MAP3K9: variants seen among roughly 807,000 people sequenced by gnomAD.
The protein encoded by MAP3K9 is mixed lineage kinase 1 (tyr and ser/thr specificity).
Under a neutral mutation model 95.8 loss-of-function variants are expected in MAP3K9, and 46 were observed. That is an observed-to-expected ratio of 0.48 (90% CI 0.38 to 0.61). The LOEUF is 0.61. MAP3K9 is among the 20% of genes least tolerant of loss of function. MAP3K9 has a pLI of 0.00. For missense variants in MAP3K9, 1,296 were observed against 1,474.3 expected, an observed-to-expected ratio of 0.88 and a Z score of 1.98; for synonymous variants, 533 against 593.8, an observed-to-expected ratio of 0.90 and a Z score of 1.49.
At chr14:70,774,990 A>C (rs1349755799) in intron 2 of MAP3K9, among the ~76,000 whole-genome samples, 2 of 89,778 alleles carry the variant, frequency 2.2e-5, no homozygotes, top group African/African-American at 3.7e-5. Flanking sequence ...CCCCAAAAAA[A>C]AAAAAAAAAA....
At position 70,730,751 on chromosome 14, in the gene MAP3K9, T is replaced by C; in HGVS notation, c.2944A>G (p.Thr982Ala). The C allele has an allele frequency of 1.2e-6, 2 of 1,613,412 alleles. No individual in the cohort carries two copies. The highest frequency in any genetic ancestry group is 1.6e-4 in the Middle Eastern group (1 of 6,062). The change falls in exon 12 of 12, where the codon ACC (threonine) becomes GCC (alanine). Residue 982 changes from threonine to alanine, a missense_variant. Around this residue, in one of 5 missense-constraint regions of MAP3K9, gnomAD observed 433 missense variants for 441.4 expected, o/e 0.98. Coordinates refer to ENST00000554752, the MANE Select transcript of MAP3K9 (RefSeq NM_001284230.2). ...PRRWNTQQDSTLERPKTLEFL... is the reference protein window; with the variant it reads ...PRRWNTQQDSALERPKTLEFL... ...TCCAGAGTCTTGGGTCTCTCCAAGG[T>C]AGAGTCCTGCTGAGTGTTCCAGCGC...
At chr14:70,737,245 G>A (rs991820534) in intron 8 of MAP3K9, among the ~76,000 whole-genome samples, 7 of 152,160 alleles carry the variant, frequency 4.6e-5, no homozygotes, top group South Asian at 2.1e-4. Flanking sequence ...ATTTACATAC[G>A]CTCACTATGG....
At chr14:70,750,888 AT>A (rs1366293880) in intron 3 of MAP3K9, among the ~76,000 whole-genome samples, 6 of 152,108 alleles carry the variant, frequency 3.9e-5, no homozygotes, top group Admixed American at 2.0e-4. Context: ...TCACAGATAC[AT>A]TTTTTCCCCC....
At chr14:70,757,983 C>CT (rs918346889) in intron 3 of MAP3K9, among the ~76,000 whole-genome samples, 3 of 152,034 alleles carry the variant, frequency 2.0e-5, no homozygotes, top group Admixed American at 6.5e-5. Context: ...GTCTTCATGA[C>CT]TTTGGACTAG....
rs984815283 is a variant in MAP3K9, at chr14:70,729,549, C to T, written c.*831G>A. 4.6e-5 allele frequency: 7 copies of T among 152,182 alleles called. No homozygotes were observed. Among genetic ancestry groups the T allele is most frequent in the African/African-American group, 1.7e-4 (7 of 41,432 alleles). The allele number at this position is 152,182 out of a possible 1,614,324, so 9.4% of individuals were successfully genotyped here. Reference sequence around the variant, plus strand: ...CCTGGGATGAGCAGATGATTGTATCCGAACCTGGTCTGACGAGGTCCTGAC... The same window carrying T: ...CCTGGGATGAGCAGATGATTGTATCTGAACCTGGTCTGACGAGGTCCTGAC... On this transcript the variant is annotated 3_prime_UTR_variant, in exon 12 of 12. Transcript: ENST00000554752.
intron 3 of MAP3K9, among the ~76,000 whole-genome samples, chr14:70,758,048 C>A (rs552955242): frequency 6.6e-6 from 1 of 152,004 alleles, no homozygotes; most frequent in African/African-American, 2.4e-5. Flanking sequence ...ATAAAATAAA[C>A]TAGACATCAT....
At chr14:70,798,479 T>TTTTTTTG (rs2054890669) in intron 2 of MAP3K9, among the ~76,000 whole-genome samples, 3 of 131,038 alleles carry the variant, frequency 2.3e-5, no homozygotes, top group African/African-American at 5.8e-5. Context: ...AAGTTTTTTT[T>TTTTTTTG]TTTTTTTTTT....
In MAP3K9 at chr14:70,742,529, T is replaced by C; in HGVS notation, c.1389A>G (p.Glu463=). The part of the protein sequence containing the change: ...RAALQQKNQE[E]LLRRREQELA... ...GCTCCTGCTCCCGACGCCGCAGCAG[T>C]TCCTCCTGGTTCTTCTGCTGCAGTG... is the stretch of plus-strand genomic sequence containing the variant. The change falls in exon 6 of 12, where the codon GAA becomes GAG. Residue 463 remains glutamate (E), a synonymous_variant. Transcript: ENST00000554752. The C allele has an allele frequency of 6.2e-7, 1 of 1,614,180 alleles. No individual in the cohort carries two copies. Among genetic ancestry groups the C allele is most frequent in the Non-Finnish European group, 8.5e-7 (1 of 1,180,020 alleles).
At chr14:70,745,883 T>C (rs536921905) in intron 5 of MAP3K9, among the ~76,000 whole-genome samples, 1 of 152,062 alleles carries the variant, frequency 6.6e-6, no homozygotes, top group South Asian at 2.1e-4. Context: ...GGAGATAGAG[T>C]GCAATATTGT....
intron 3 of MAP3K9, among the ~76,000 whole-genome samples, chr14:70,754,262 G>A (rs1297697147): frequency 6.6e-6 from 1 of 152,086 alleles, no homozygotes; most frequent in Non-Finnish European, 1.5e-5. Flanking sequence ...ATTTATTAAT[G>A]TGGTTATGTG....
chr14:70,734,420 CG>C lies in MAP3K9; in HGVS notation c.1991del (p.Pro664ArgfsTer70). On this transcript the variant is annotated frameshift_variant, in exon 10 of 12. Transcript: ENST00000554752. LOFTEE classifies it high-confidence loss of function. ...PNLVKGPRSS[P>X]ALPGFTSLME... Reference sequence around the variant, plus strand: ...TAAGGCTGGTGAACCCTGGCAGGGCCGGGCTACTCCTTGGGCCCTTCACCAG... The same window carrying C: ...TAAGGCTGGTGAACCCTGGCAGGGCCGGCTACTCCTTGGGCCCTTCACCAG... The C allele has an allele frequency of 6.2e-7, 1 of 1,614,070 alleles. No individual in the cohort carries two copies. The highest frequency in any genetic ancestry group is 8.5e-7 in the Non-Finnish European group (1 of 1,179,932).
At chr14:70,755,138 G>T (rs2054281544) in intron 3 of MAP3K9, among the ~76,000 whole-genome samples, 1 of 152,236 alleles carries the variant, frequency 6.6e-6, no homozygotes, top group Non-Finnish European at 1.5e-5. Context: ...GGGTTGAGGT[G>T]TGGGGCACTC....
intron 3 of MAP3K9, among the ~76,000 whole-genome samples, chr14:70,752,149 G>C (rs1260896982): frequency 1.3e-5 from 2 of 152,174 alleles, no homozygotes; most frequent in Non-Finnish European, 2.9e-5. Flanking sequence ...GACTCGTCTA[G>C]ACAGGAGATG....
chr14:70,808,695 T>C (rs1594820095), intron 1 of MAP3K9, 71 bp downstream of exon 1: 2 of 297,164 alleles, frequency 6.7e-6, no homozygotes, highest in South Asian at 3.9e-5. Flanking sequence ...CGCGCAGTGC[T>C]CCCCCCTTCC....
chr14:70,742,252 G>T, intron 6 of MAP3K9, 99 bp downstream of exon 6: 1 of 1,471,342 alleles, frequency 6.8e-7, no homozygotes, highest in Admixed American at 2.0e-5. Context: ...GAGCCCCAGG[G>T]TGTCATGTTT....
At position 70,809,299 on chromosome 14, in the gene MAP3K9, G is replaced by T. The variant is rs975139577; in HGVS notation, c.-128C>A. On this transcript the variant is annotated 5_prime_UTR_variant, in exon 1 of 12. Coordinates refer to ENST00000554752, the MANE Select transcript of MAP3K9 (RefSeq NM_001284230.2). ...GACGGCGGCCGCAGGTAGGGCCCGG[G>T]CTGGCAGGGCTGGGAGAGCCGGCTC... 8.6e-6 allele frequency: 10 copies of T among 1,161,126 alleles called. No homozygotes were observed. The Admixed American group carries it at 3.0e-4, about 35-fold the overall frequency. 71.9% of individuals were successfully genotyped at this position (1,161,126 alleles called of 1,614,324 possible). A position where few individuals can be genotyped will look rare whatever the true frequency, so the allele number is the denominator to read the frequency against.
At chr14:70,794,961 GC>G (rs1233382054) in intron 2 of MAP3K9, among the ~76,000 whole-genome samples, 27 of 143,104 alleles carry the variant, frequency 1.9e-4, no homozygotes, top group African/African-American at 6.7e-4. Context: ...ACAAGAATGA[GC>G]CACCGTGACC....
In MAP3K9 at chr14:70,801,806, G is replaced by A. The variant is rs1220224302; in HGVS notation, c.407-726C>T. Among the ~76,000 whole-genome samples, 3 of 152,156 alleles carry A rather than the reference G, an allele frequency of 2.0e-5. No individual in the cohort carries two copies. The East Asian group carries it at 5.8e-4, about 29-fold the overall frequency. On this transcript the variant is annotated intron_variant, in intron 1 of 11. Transcript: ENST00000554752. ...AAAGAGTGAGTGGGAGAGATCTCAG[G>A]CGATGAAGGAAATCAGGGCAGGGAA...
At chr14:70,748,244 A>G (rs2054177449) in intron 5 of MAP3K9, among the ~76,000 whole-genome samples, 1 of 152,124 alleles carries the variant, frequency 6.6e-6, no homozygotes. Flanking sequence ...CTGTGTGTAC[A>G]CTGACTGCTA....
Sources: gnomAD v4.1 joint callset for allele counts (sites outside exome capture counted in the v4.1 genomes callset) on GRCh38, gnomAD v4.1.1 for gene constraint, gnomAD v4.1.1 regional missense constraint, MANE v1.5 for transcripts, NCBI Gene and HGNC (gene_info 2026-07-23, HGNC 2026-07-21) for gene names.